SLC16A7: variants seen among roughly 807,000 people sequenced by gnomAD.
SLC16A7 encodes solute carrier family 16 member 7.
SLC16A7 carries 33 observed loss-of-function variants against 34.9 expected under a neutral mutation model. That is an observed-to-expected ratio of 0.94 (90% CI 0.72 to 1.26). The LOEUF is 1.26. Ranked by LOEUF, SLC16A7 falls within the 50% of genes most tolerant of loss-of-function variation. SLC16A7 has a pLI of 0.00. For missense variants in SLC16A7, 573 were observed against 578.1 expected (o/e 0.99, Z 0.09); for synonymous variants, 201 against 206.6 (o/e 0.97, Z 0.23).
intron 1 of SLC16A7, among the ~76,000 whole-genome samples, chr12:59,637,831 T>A (rs969769099): frequency 2.6e-5 from 4 of 152,112 alleles, no homozygotes; most frequent in African/African-American, 9.7e-5. Flanking sequence ...AATGCCTTTA[T>A]CATGTGAGTT....
chr12:59,785,376 G>A lies in SLC16A7; in HGVS notation c.*5697G>A, dbSNP rs1363381088. On this transcript the variant is annotated 3_prime_UTR_variant, in exon 6 of 6. Transcript: ENST00000547379. ...ATGTGCAAATCAGGGAAGAATTGCT[G>A]TAGTATTGAGAATGGTCATTTTAAA... 1 of 152,066 alleles carries A rather than the reference G, an allele frequency of 6.6e-6. No individual in the cohort carries two copies. Among genetic ancestry groups the A allele is most frequent in the Admixed American group, 6.6e-5 (1 of 15,262 alleles). 9.4% of individuals were successfully genotyped at this position (152,066 alleles called of 1,614,324 possible). A position where few individuals can be genotyped will look rare whatever the true frequency, so the allele number is the denominator to read the frequency against.
chr12:59,674,405 TTTC>T (rs1328553451), intron 2 of SLC16A7, among the ~76,000 whole-genome samples: 1 of 152,198 alleles, frequency 6.6e-6, no homozygotes, highest in African/African-American at 2.4e-5. Flanking sequence ...AGAAAGAGGC[TTTC>T]TTCTTCTCAC....
intron 2 of SLC16A7, among the ~76,000 whole-genome samples, chr12:59,692,114 C>T (rs1404041879): frequency 6.6e-6 from 1 of 151,974 alleles, no homozygotes; most frequent in Non-Finnish European, 1.5e-5. Flanking sequence ...CTTCTGGTGG[C>T]AGTTGGCATT....
At chr12:59,724,989 A>G (rs1248549037) in intron 3 of SLC16A7, among the ~76,000 whole-genome samples, 1 of 141,830 alleles carries the variant, frequency 7.1e-6, no homozygotes, top group Non-Finnish European at 1.5e-5. Flanking sequence ...ATGCATGCTC[A>G]AAAATGATAC....
At chr12:59,609,048 A>C (rs1879071896) in intron 1 of SLC16A7, among the ~76,000 whole-genome samples, 1 of 152,212 alleles carries the variant, frequency 6.6e-6, no homozygotes, top group Admixed American at 6.5e-5. Flanking sequence ...TTTGCTGAAA[A>C]ATCAATTCAC....
At chr12:59,699,588 G>A (rs1565656465) in intron 2 of SLC16A7, among the ~76,000 whole-genome samples, 1 of 151,654 alleles carries the variant, frequency 6.6e-6, no homozygotes, top group Admixed American at 6.6e-5. Context: ...GTACAGGAAT[G>A]TTCATAGGAG....
intron 1 of SLC16A7, among the ~76,000 whole-genome samples, chr12:59,640,137 A>G (rs1592422844): frequency 6.6e-6 from 1 of 152,158 alleles, no homozygotes; most frequent in Admixed American, 6.6e-5. Context: ...TAGGCATGCC[A>G]CCTTCCCAGT....
rs115998730 is a variant in SLC16A7 at position 59,715,843 on chromosome 12, T to C, written c.217+10825T>C. Reference sequence around the variant, plus strand: ...TTCTTATACTTTATAAAGGTGTTTGTAATTACCCAATGTTTTTATTACAGT... The same window carrying C: ...TTCTTATACTTTATAAAGGTGTTTGCAATTACCCAATGTTTTTATTACAGT... On this transcript the variant is annotated intron_variant, in intron 3 of 5. Coordinates refer to ENST00000547379, the MANE Select transcript of SLC16A7 (RefSeq NM_001270623.2). 4.4e-3 allele frequency among the ~76,000 whole-genome samples: 663 copies of C among 152,338 alleles called. 7 individuals carry two copies. Among genetic ancestry groups the C allele is most frequent in the African/African-American group, 0.014 (598 of 41,566 alleles).
chr12:59,776,352 T>G (rs1054051988), intron 5 of SLC16A7, among the ~76,000 whole-genome samples: 2 of 152,200 alleles, frequency 1.3e-5, no homozygotes, highest in African/African-American at 4.8e-5. Flanking sequence ...CCTTCTGAAC[T>G]TATGGTTTAA....
intron 2 of SLC16A7, among the ~76,000 whole-genome samples, chr12:59,697,718 A>G (rs936238371): frequency 6.6e-6 from 1 of 151,696 alleles, no homozygotes; most frequent in Non-Finnish European, 1.5e-5. Context: ...GACTGTTAAA[A>G]AAAAAAAAAG....
At chr12:59,670,870 C>T (rs1869623647) in intron 2 of SLC16A7, among the ~76,000 whole-genome samples, 1 of 152,208 alleles carries the variant, frequency 6.6e-6, no homozygotes, top group South Asian at 2.1e-4. Context: ...GTTGGTAGCC[C>T]TGACTGCTGG....
At chr12:59,750,970 C>T (rs1257264804) in intron 3 of SLC16A7, among the ~76,000 whole-genome samples, 1 of 147,828 alleles carries the variant, frequency 6.8e-6, no homozygotes, top group Non-Finnish European at 1.5e-5. Context: ...AACAGAAAAC[C>T]AAACACCACA....
chr12:59,768,884 C>G (rs537124914), intron 3 of SLC16A7, among the ~76,000 whole-genome samples: 2 of 151,986 alleles, frequency 1.3e-5, no homozygotes, highest in South Asian at 4.2e-4. Flanking sequence ...CCTGTGGTCC[C>G]AGCTACTAGG....
At chr12:59,699,755 T>G (rs11173115) in intron 2 of SLC16A7, among the ~76,000 whole-genome samples, 17,109 of 151,758 alleles carry the variant, frequency 0.11, 1,163 homozygotes, top group Non-Finnish European at 0.14. Flanking sequence ...CCACAGAAAT[T>G]TGTGATTCAC....
At chr12:59,614,082 ACT>A (rs1565618317) in intron 1 of SLC16A7, among the ~76,000 whole-genome samples, 4 of 143,140 alleles carry the variant, frequency 2.8e-5, no homozygotes, top group African/African-American at 1.0e-4. Context: ...ACAGAGTCTC[ACT>A]CTGTCACCCA....
At chr12:59,661,422 G>A (rs1343625440) in intron 2 of SLC16A7, among the ~76,000 whole-genome samples, 1 of 152,084 alleles carries the variant, frequency 6.6e-6, no homozygotes, top group African/African-American at 2.4e-5. Flanking sequence ...CTGGCAGAAT[G>A]TTAGTGCATT....
At chr12:59,615,859 G>A (rs140919962) in intron 1 of SLC16A7, among the ~76,000 whole-genome samples, 5 of 152,310 alleles carry the variant, frequency 3.3e-5, no homozygotes, top group Admixed American at 1.3e-4. Flanking sequence ...AAATTGAAAA[G>A]AGAGTCTGCT....
chr12:59,619,444 G>A (rs1367390566), intron 1 of SLC16A7, among the ~76,000 whole-genome samples: 1 of 151,956 alleles, frequency 6.6e-6, no homozygotes, highest in Non-Finnish European at 1.5e-5. Context: ...TTCCTCATCT[G>A]GCTTCATTTG....
At chr12:59,768,813 A>G (rs1317586182) in intron 3 of SLC16A7, among the ~76,000 whole-genome samples, 1 of 152,066 alleles carries the variant, frequency 6.6e-6, no homozygotes, top group Admixed American at 6.6e-5. Flanking sequence ...CCTGGGCAAC[A>G]TAGCAAGGCC....
Sources: allele counts gnomAD v4.1 joint callset (sites outside exome capture counted in the v4.1 genomes callset), GRCh38; gene constraint gnomAD v4.1.1; transcripts MANE v1.5; gene names NCBI Gene and HGNC (gene_info 2026-07-23, HGNC 2026-07-21).